Variants in RICTOR observed in about 807,000 individuals in gnomAD.
RICTOR encodes RPTOR independent companion of MTOR complex 2.
In RICTOR, 49 loss-of-function variants were observed where a neutral mutation model predicts 214.9. The ratio of observed to expected loss-of-function variants is 0.23; its 90% CI spans 0.18 to 0.29. RICTOR has a LOEUF of 0.29. RICTOR is among the 10% of genes least tolerant of loss of function. The pLI is 1.00. For synonymous variants in RICTOR, 717 were observed against 711.3 expected, an observed-to-expected ratio of 1.01 and a Z score of -0.13; for missense variants, 1,625 against 2,047.0, an observed-to-expected ratio of 0.79 and a Z score of 3.98.
chr5:39,025,110 C>G (rs73749403), intron 2 of RICTOR, among the ~76,000 whole-genome samples: 160 of 152,260 alleles, frequency 1.1e-3, no homozygotes, highest in African/African-American at 3.7e-3. Flanking sequence ...TCCTTCTTAA[C>G]CCAAACCAAA....
intron 2 of RICTOR, among the ~76,000 whole-genome samples, chr5:39,023,144 G>A (rs897272662): frequency 2.0e-5 from 3 of 151,430 alleles, no homozygotes; most frequent in African/African-American, 7.3e-5. Context: ...GGATAACGGC[G>A]GATTTCTTAT....
At chr5:38,958,884 C>T in intron 22 of RICTOR, 53 bp from the exon 23 acceptor site, 2 of 1,245,346 alleles carry the variant, frequency 1.6e-6, no homozygotes, top group Non-Finnish European at 2.1e-6. Context: ...GCATAAATAG[C>T]CTATTTGATT....
intron 6 of RICTOR, among the ~76,000 whole-genome samples, chr5:38,995,062 A>G (rs1753079429): frequency 6.6e-6 from 1 of 152,248 alleles, no homozygotes; most frequent in Non-Finnish European, 1.5e-5. Context: ...ATGATAATCC[A>G]ATTGACTCGT....
chr5:39,030,480 A>G (rs558527357), intron 2 of RICTOR, among the ~76,000 whole-genome samples: 1 of 152,220 alleles, frequency 6.6e-6, no homozygotes, highest in African/African-American at 2.4e-5. Flanking sequence ...TTAATTTCCC[A>G]TCACTCTTAC....
intron 7 of RICTOR, among the ~76,000 whole-genome samples, chr5:38,986,914 G>A (rs770638475): frequency 3.9e-5 from 6 of 152,174 alleles, no homozygotes; most frequent in Non-Finnish European, 7.4e-5. Flanking sequence ...ATAGTTTACT[G>A]AGAGTTTTTA....
chr5:38,978,522 A>G, intron 9 of RICTOR, 61 bp downstream of exon 9: 1 of 764,636 alleles, frequency 1.3e-6, no homozygotes, highest in Non-Finnish European at 2.1e-6. Context: ...ACGCAAACCT[A>G]AAAGCTTTAG....
chr5:38,947,220 T>C lies in RICTOR; in HGVS notation c.4314+44A>G, dbSNP rs377643449. 2.6e-4 allele frequency: 378 copies of C among 1,447,040 alleles called. 1 individual carries two copies. Among genetic ancestry groups the C allele is most frequent in the African/African-American group, 4.1e-4 (29 of 70,084 alleles). 89.6% of individuals were successfully genotyped at this position (1,447,040 alleles called of 1,614,324 possible). A position where few individuals can be genotyped will look rare whatever the true frequency, so the allele number is the denominator to read the frequency against. The stretch of plus-strand genomic sequence containing the variant: ...TAAGCAGTTACAGCATATGAAAAAA[T>C]AGGAAACCAACTCATAGGAAAACAA... On this transcript the variant is annotated intron_variant, in intron 32 of 37. Transcript: ENST00000357387.
At chr5:38,998,705 C>T (rs73088103) in intron 5 of RICTOR, among the ~76,000 whole-genome samples, 2,550 of 152,074 alleles carry the variant, frequency 0.017, 66 homozygotes, top group African/African-American at 0.058. Flanking sequence ...GAAGCGGAGA[C>T]CTGAAATCTT....
At chr5:39,003,211 T>A (rs1033045572) in intron 4 of RICTOR, among the ~76,000 whole-genome samples, 1 of 152,188 alleles carries the variant, frequency 6.6e-6, no homozygotes, top group African/African-American at 2.4e-5. Context: ...AAGTCTGTTG[T>A]AAGCACAAAC....
chr5:39,027,167 C>CT (rs1275608008), intron 2 of RICTOR, among the ~76,000 whole-genome samples: 3 of 152,062 alleles, frequency 2.0e-5, no homozygotes, highest in Admixed American at 2.0e-4. Context: ...CTGTATAAAA[C>CT]TTTAAGTATA....
At chr5:39,033,922 C>T (rs1053519313) in intron 2 of RICTOR, among the ~76,000 whole-genome samples, 1 of 152,092 alleles carries the variant, frequency 6.6e-6, no homozygotes, top group Non-Finnish European at 1.5e-5. Context: ...ATCTATTTTC[C>T]TCCCCCTTCA....
chr5:38,970,798 A>G (rs183811108), intron 11 of RICTOR: 1 of 152,334 alleles, frequency 6.6e-6, no homozygotes, highest in Admixed American at 6.5e-5. Flanking sequence ...AAATATAGAA[A>G]TATTAACAAT....
At chr5:38,979,728 G>A (rs914295109) in intron 8 of RICTOR, among the ~76,000 whole-genome samples, 1 of 152,140 alleles carries the variant, frequency 6.6e-6, no homozygotes, top group African/African-American at 2.4e-5. Flanking sequence ...TTCACAAGGT[G>A]CTGATTATTG....
chr5:38,987,945 G>A (rs1468544671), intron 7 of RICTOR, among the ~76,000 whole-genome samples: 1 of 152,066 alleles, frequency 6.6e-6, no homozygotes, highest in African/African-American at 2.4e-5. Flanking sequence ...ATTAATTTCT[G>A]CTTTAATTTC....
chr5:38,983,588 A>G (rs1018611661), intron 7 of RICTOR, among the ~76,000 whole-genome samples: 8 of 152,192 alleles, frequency 5.3e-5, no homozygotes, highest in South Asian at 2.1e-4. Flanking sequence ...AATGTTAACA[A>G]AGGAGCCTTC....
chr5:39,074,343 T>G lies in RICTOR; in HGVS notation c.35A>C (p.Asn12Thr). The G allele has an allele frequency of 1.9e-6, 3 of 1,540,210 alleles. No individual in the cohort carries two copies. The highest frequency in any genetic ancestry group is 1.8e-6 in the Non-Finnish European group (2 of 1,142,736). ...AAIGRGRSLK[N>T]LRVRGRNDSG... ...AGCGGGCTTACCTCGTACTCGGAGG[T>G]TCTTCAGAGAGCGGCCGCGGCCGAT... is the stretch of plus-strand genomic sequence containing the variant. Residue 12 changes from asparagine (N) to threonine (T), a missense_variant, in exon 1 of 38, where the codon AAC becomes ACC. By Grantham distance (65) the Asn-to-Thr change is moderately conservative (BLOSUM62 0). Transcript: ENST00000357387.
At chr5:39,070,539 G>A (rs1277205620) in intron 2 of RICTOR, among the ~76,000 whole-genome samples, 1 of 152,034 alleles carries the variant, frequency 6.6e-6, no homozygotes, top group Non-Finnish European at 1.5e-5. Context: ...TGCTTTTCTA[G>A]GTATTAGACA....
intron 7 of RICTOR, among the ~76,000 whole-genome samples, chr5:38,985,416 T>A (rs1752089082): frequency 6.6e-6 from 1 of 152,182 alleles, no homozygotes. Context: ...GTGGAAGCTG[T>A]GGATATGAAA....
chr5:38,961,632 G>GCA (rs1342718586), intron 19 of RICTOR, among the ~76,000 whole-genome samples: 1 of 152,040 alleles, frequency 6.6e-6, no homozygotes, highest in Non-Finnish European at 1.5e-5. Context: ...AGTATAAAAA[G>GCA]TTAGTACTAT....
Sources: gnomAD v4.1 joint callset for allele counts (sites outside exome capture counted in the v4.1 genomes callset) on GRCh38, gnomAD v4.1.1 for gene constraint, MANE v1.5 for transcripts, NCBI Gene and HGNC (gene_info 2026-07-23, HGNC 2026-07-21) for gene names.